The following SMCO2 variants were observed in gnomAD, a reference collection of about 807,000 sequenced individuals.
SMCO2 encodes single-pass membrane and coiled-coil domain-containing protein 2.
Under a neutral mutation model 29.5 loss-of-function variants are expected in SMCO2, and 25 were observed. The ratio of observed to expected loss-of-function variants is 0.85; its 90% CI spans 0.62 to 1.18. The LOEUF (loss-of-function observed/expected upper bound fraction) is 1.18. Ranked by LOEUF, SMCO2 falls within the 50% of genes most tolerant of loss-of-function variation. The pLI is 0.00. For missense variants in SMCO2, 348 were observed against 344.5 expected (o/e 1.01, Z -0.08); for synonymous variants, 117 against 123.3 (o/e 0.95, Z 0.34).
the SMCO2 span, among the ~76,000 whole-genome samples, chr12:27,428,741 T>C: frequency 2.7e-4 from 41 of 151,904 alleles, no homozygotes; most frequent in Admixed American, 4.6e-4. Flanking sequence ...TTTAAGGCAA[T>C]GCTTCTCACA....
At chr12:27,461,182 A>G in the SMCO2 span, among the ~76,000 whole-genome samples, 1 of 152,206 alleles carries the variant, frequency 6.6e-6, no homozygotes, top group African/African-American at 2.4e-5. Context: ...TGTAAATGCT[A>G]TGTCAATATT....
the SMCO2 span, among the ~76,000 whole-genome samples, chr12:27,430,271 C>T: frequency 6.6e-6 from 1 of 152,170 alleles, no homozygotes; most frequent in Non-Finnish European, 1.5e-5. Context: ...AGTTAATAAA[C>T]ACAGTAGAGT....
rs182253737 is a variant in SMCO2 at position 27,488,190 on chromosome 12, T to C, written c.363-270T>C. Among the ~76,000 whole-genome samples, 6 of 152,360 alleles carry C rather than the reference T, an allele frequency of 3.9e-5. No homozygotes were observed. The South Asian group carries it at 1.2e-3, about 32-fold the overall frequency. On this transcript the variant is annotated intron_variant, in intron 4 of 7. Coordinates refer to ENST00000298876, the Ensembl canonical transcript of SMCO2. ...TGTCCCCCAAATTTTCTGTGTGTTT[T>C]TTTCTTAGAAATTTTATAAACTTAT...
chr12:27,472,762 T>G lies in SMCO2; in HGVS notation c.135-14T>G, dbSNP rs953439288. The G allele has an allele frequency of 6.5e-7, 1 of 1,547,290 alleles. No individual in the cohort carries two copies. The highest frequency in any genetic ancestry group is 8.7e-7 in the Non-Finnish European group (1 of 1,143,814). On this transcript the variant is annotated splice_polypyrimidine_tract_variant and intron_variant, in intron 2 of 7. Transcript: ENST00000298876. The stretch of plus-strand genomic sequence containing the variant: ...GCATAATAACAGCCTCTGTTTGGAT[T>G]GTGTGGCTTGCAGTTTGCTAAAGGA...
chr12:27,431,876 C>T, the SMCO2 span, among the ~76,000 whole-genome samples: 1 of 152,084 alleles, frequency 6.6e-6, no homozygotes, highest in Non-Finnish European at 1.5e-5. Flanking sequence ...ATTGCAATCA[C>T]CAGTGCATAA....
chr12:27,480,464 A>G (rs1258699793), intron 4 of SMCO2, among the ~76,000 whole-genome samples: 1 of 152,136 alleles, frequency 6.6e-6, no homozygotes, highest in Admixed American at 6.5e-5. Flanking sequence ...GACATCTAGT[A>G]TTAACTATCA....
chr12:27,492,604 G>A (rs1278872766), intron 5 of SMCO2, among the ~76,000 whole-genome samples: 1 of 152,154 alleles, frequency 6.6e-6, no homozygotes, highest in Non-Finnish European at 1.5e-5. Context: ...GATTATTAGA[G>A]AAATGCAAAT....
the SMCO2 span, among the ~76,000 whole-genome samples, chr12:27,455,046 A>G: frequency 6.6e-6 from 1 of 152,200 alleles, no homozygotes; most frequent in Non-Finnish European, 1.5e-5. Context: ...TTGAAAATAC[A>G]TAGAAAGCAT....
upstream of SMCO2, among the ~76,000 whole-genome samples, chr12:27,464,506 C>T (rs1172362455): frequency 3.3e-5 from 5 of 151,594 alleles, no homozygotes; most frequent in East Asian, 1.9e-4. Flanking sequence ...CCTAGGAGTT[C>T]GAGACCAGCC....
the SMCO2 span, among the ~76,000 whole-genome samples, chr12:27,454,277 C>G: frequency 3.9e-5 from 6 of 152,204 alleles, no homozygotes; most frequent in East Asian, 7.7e-4. Context: ...AGCCACCATG[C>G]CTGGCCCTCT....
At chr12:27,437,144 A>T in the SMCO2 span, among the ~76,000 whole-genome samples, 2 of 152,150 alleles carry the variant, frequency 1.3e-5, no homozygotes, top group Non-Finnish European at 2.9e-5. Context: ...ATTATCTCAC[A>T]CCTGTAATTC....
At chr12:27,434,255 C>T in the SMCO2 span, among the ~76,000 whole-genome samples, 2 of 152,166 alleles carry the variant, frequency 1.3e-5, no homozygotes, top group Non-Finnish European at 2.9e-5. Flanking sequence ...CCCACCTGAG[C>T]CCACTGAATC....
intron 4 of SMCO2, among the ~76,000 whole-genome samples, chr12:27,480,157 A>G (rs922005096): frequency 2.0e-5 from 3 of 152,250 alleles, no homozygotes; most frequent in Admixed American, 2.0e-4. Context: ...AGTGTCCAGC[A>G]TGGCACAGGA....
the SMCO2 span, among the ~76,000 whole-genome samples, chr12:27,426,670 A>G: frequency 6.6e-6 from 1 of 152,206 alleles, no homozygotes; most frequent in African/African-American, 2.4e-5. Context: ...TTCATCATTA[A>G]GTTAGTAAAA....
chr12:27,470,438 C>T (rs912524649), intron 1 of SMCO2, among the ~76,000 whole-genome samples, 184 bp from the exon 2 acceptor site: 37 of 152,208 alleles, frequency 2.4e-4, no homozygotes, highest in African/African-American at 4.8e-4. Flanking sequence ...AGGTCTTTCT[C>T]ATATATACTT....
the SMCO2 span, among the ~76,000 whole-genome samples, chr12:27,452,917 A>G: frequency 5.3e-5 from 8 of 152,182 alleles, no homozygotes; most frequent in African/African-American, 1.9e-4. Flanking sequence ...ACCACCTACT[A>G]TGGGCATCGT....
chr12:27,436,321 G>C, the SMCO2 span, among the ~76,000 whole-genome samples: 1 of 151,768 alleles, frequency 6.6e-6, no homozygotes, highest in East Asian at 1.9e-4. Context: ...GTTTTGTTTT[G>C]GTTTGGTTTT....
At chr12:27,472,012 T>C (rs1949544935) in intron 2 of SMCO2, among the ~76,000 whole-genome samples, 1 of 152,202 alleles carries the variant, frequency 6.6e-6, no homozygotes, top group Non-Finnish European at 1.5e-5. Flanking sequence ...TTGTTTGTGA[T>C]AGCAAATGAT....
the SMCO2 span, among the ~76,000 whole-genome samples, chr12:27,455,968 G>A: frequency 5.9e-5 from 9 of 152,234 alleles, no homozygotes; most frequent in Admixed American, 4.6e-4. Flanking sequence ...CCAGCACTTC[G>A]GGAGGCCGAG....
Sources: gnomAD v4.1 joint callset for allele counts (sites outside exome capture counted in the v4.1 genomes callset) on GRCh38, gnomAD v4.1.1 for gene constraint, MANE v1.5 for transcripts, NCBI Gene and HGNC (gene_info 2026-07-23, HGNC 2026-07-21) for gene names.